Variants in CTNNA3 observed in about 807,000 individuals in gnomAD.
CTNNA3 encodes catenin alpha-3.
Under a neutral mutation model 95.7 loss-of-function variants are expected in CTNNA3, and 76 were observed. The observed-to-expected ratio is 0.79, with a 90% confidence interval of 0.66 to 0.96. The LOEUF is 0.96. Among genes scored for constraint, CTNNA3 ranks in the 40% least tolerant of loss-of-function variants. The pLI, the probability that CTNNA3 is intolerant of heterozygous loss-of-function variation, is 0.00. For missense variants in CTNNA3, 1,191 were observed against 1,089.8 expected (o/e 1.09, Z -1.31); for synonymous variants, 431 against 374.4 (o/e 1.15, Z -1.74).
chr10:65,982,359 T>C (rs866431747), intron 16 of CTNNA3, among the ~76,000 whole-genome samples: 6 of 151,110 alleles, frequency 4.0e-5, no homozygotes, highest in Middle Eastern at 6.8e-3. Flanking sequence ...AAAAAAGGTG[T>C]TGGCATGGAT....
At chr10:66,535,571 T>C (rs1564518003) in intron 10 of CTNNA3, among the ~76,000 whole-genome samples, 1 of 152,186 alleles carries the variant, frequency 6.6e-6, no homozygotes, top group South Asian at 2.1e-4. Context: ...AGAGCTAATG[T>C]CATTCTATGT....
intron 3 of CTNNA3, among the ~76,000 whole-genome samples, 198 bp from the exon 4 acceptor site, chr10:67,539,867 A>T (rs1179327561): frequency 6.6e-6 from 1 of 152,194 alleles, no homozygotes; most frequent in East Asian, 1.9e-4. Flanking sequence ...TGGAATTAAG[A>T]AGCATAATAT....
chr10:67,132,405 C>T (rs759414168), intron 7 of CTNNA3, among the ~76,000 whole-genome samples: 15 of 151,918 alleles, frequency 9.9e-5, no homozygotes, highest in Non-Finnish European at 1.9e-4. Flanking sequence ...AACTATAAAA[C>T]CTGGTGTAAA....
At chr10:66,370,213 C>G (rs1237767925) in intron 12 of CTNNA3, among the ~76,000 whole-genome samples, 1 of 152,070 alleles carries the variant, frequency 6.6e-6, no homozygotes, top group African/African-American at 2.4e-5. Context: ...GTTTTATCAG[C>G]TCACATCAAT....
chr10:66,464,274 G>A (rs1279151180), intron 11 of CTNNA3, among the ~76,000 whole-genome samples: 1 of 152,006 alleles, frequency 6.6e-6, no homozygotes, highest in African/African-American at 2.4e-5. Flanking sequence ...GAATCTAAAT[G>A]TAGTTGTTAT....
At position 66,423,335 on chromosome 10, in the gene CTNNA3, G is replaced by A. The variant is rs559894338; in HGVS notation, c.1532-43983C>T. Reference sequence around the variant, plus strand: ...CAAATTTAATCATGTTCTTTATATCGTATTTAGTCTTAAAATAATTTGTAA... The same window carrying A: ...CAAATTTAATCATGTTCTTTATATCATATTTAGTCTTAAAATAATTTGTAA... On this transcript the variant is annotated intron_variant, in intron 11 of 17. Transcript: ENST00000433211. Among the ~76,000 whole-genome samples the A allele has an allele frequency of 8.4e-4, 128 of 151,738 alleles. 2 individuals carry two copies. The highest frequency in any genetic ancestry group is 1.6e-3 in the African/African-American group (66 of 41,346).
chr10:67,727,382 C>T (rs953262312), intron 1 of CTNNA3, among the ~76,000 whole-genome samples: 8 of 126,644 alleles, frequency 6.3e-5, no homozygotes, highest in East Asian at 2.1e-4. Flanking sequence ...ATGTATGTTA[C>T]GTATTATAAT....
intron 3 of CTNNA3, among the ~76,000 whole-genome samples, chr10:67,558,831 T>C (rs1258805362): frequency 6.6e-6 from 1 of 152,140 alleles, no homozygotes; most frequent in Admixed American, 6.5e-5. Context: ...CGCCAGGAGA[T>C]TATATCCCGC....
intron 13 of CTNNA3, among the ~76,000 whole-genome samples, chr10:66,162,223 G>A (rs902919911): frequency 1.3e-5 from 2 of 151,824 alleles, no homozygotes; most frequent in African/African-American, 4.8e-5. Flanking sequence ...ATTTCTTCTT[G>A]GTTTGGATCC....
At chr10:66,324,397 G>A (rs769932718) in intron 12 of CTNNA3, among the ~76,000 whole-genome samples, 1 of 152,158 alleles carries the variant, frequency 6.6e-6, no homozygotes, top group African/African-American at 2.4e-5. Context: ...CCAGGACAGT[G>A]GGCAAGAGCT....
rs532564449 is a variant in CTNNA3, at chr10:66,342,108, A to G, written c.1732+37044T>C. On this transcript the variant is annotated intron_variant, in intron 12 of 17. Coordinates refer to ENST00000433211, the MANE Select transcript of CTNNA3 (RefSeq NM_013266.4). Reference sequence around the variant, plus strand: ...TCTAATTCAATTTTTTCTAATTCTTAGTTGCATGTGTTAGTCCTTATCTAG... The same window carrying G: ...TCTAATTCAATTTTTTCTAATTCTTGGTTGCATGTGTTAGTCCTTATCTAG... Among the ~76,000 whole-genome samples the G allele has an allele frequency of 2.2e-3, 338 of 152,090 alleles. 2 individuals carry two copies. Among genetic ancestry groups the G allele is most frequent in the African/African-American group, 7.5e-3 (310 of 41,546 alleles).
intron 13 of CTNNA3, among the ~76,000 whole-genome samples, chr10:66,112,289 T>G (rs2082149744): frequency 6.6e-6 from 1 of 152,164 alleles, no homozygotes; most frequent in South Asian, 2.1e-4. Flanking sequence ...CATATTTTAT[T>G]GAGTTAATGC....
chr10:67,283,767 C>T (rs1839489549), intron 5 of CTNNA3, among the ~76,000 whole-genome samples: 1 of 152,118 alleles, frequency 6.6e-6, no homozygotes, highest in Non-Finnish European at 1.5e-5. Context: ...CTCACTCTGC[C>T]TTATGCCCCT....
intron 1 of CTNNA3, among the ~76,000 whole-genome samples, chr10:67,653,153 A>C (rs963112302): frequency 1.8e-4 from 28 of 152,326 alleles, no homozygotes; most frequent in African/African-American, 5.5e-4. Flanking sequence ...GGGAGCAAGC[A>C]TCTCACATGG....
intron 2 of CTNNA3, among the ~76,000 whole-genome samples, chr10:67,618,111 A>G (rs944533339): frequency 6.6e-6 from 1 of 152,208 alleles, no homozygotes; most frequent in Non-Finnish European, 1.5e-5. Context: ...AATAATCCAT[A>G]GTTTATAGGA....
chr10:67,384,678 T>C (rs183640113), intron 5 of CTNNA3, among the ~76,000 whole-genome samples: 553 of 152,240 alleles, frequency 3.6e-3, no homozygotes, highest in Non-Finnish European at 6.6e-3. Context: ...TTAATAAAAC[T>C]CTGAGCCAGT....
Position 67,290,232 on chromosome 10 carries a change from T to A in CTNNA3, c.580-70362A>T, listed in dbSNP as rs948239580. On this transcript the variant is annotated intron_variant, in intron 5 of 17. Coordinates refer to ENST00000433211, the MANE Select transcript of CTNNA3 (RefSeq NM_013266.4). The stretch of plus-strand genomic sequence containing the variant: ...GGGATGGAGTAATACCTGCTTTTTT[T>A]ATTTTATTTTGGTTTATTGGAGACC... Among the ~76,000 whole-genome samples, 8 of 152,330 alleles carry A rather than the reference T, an allele frequency of 5.3e-5. No homozygotes were observed. The South Asian group carries it at 6.2e-4, about 12-fold the overall frequency.
At position 67,566,058 on chromosome 10, in the gene CTNNA3, T is replaced by TAC. The variant is rs1554854502; in HGVS notation, c.293-26390_293-26389insGT. Among the ~76,000 whole-genome samples the TAC allele has an allele frequency of 2.3e-5, 2 of 85,584 alleles. 1 individual carries two copies. Among genetic ancestry groups the TAC allele is most frequent in the Non-Finnish European group, 4.5e-5 (2 of 44,634 alleles). 56.1% of individuals were successfully genotyped at this position (85,584 alleles called of 152,430 possible). ...ATGTGTGTGTGTATATATATATATA[T>TAC]ATATATATATATATACAAAACCTAG... On this transcript the variant is annotated intron_variant, in intron 3 of 17. Transcript: ENST00000433211.
chr10:67,560,635 C>A (rs530943244), intron 3 of CTNNA3, among the ~76,000 whole-genome samples: 2 of 152,214 alleles, frequency 1.3e-5, no homozygotes, highest in South Asian at 2.1e-4. Flanking sequence ...TCACACATAA[C>A]AATATTAACT....
Sources: gnomAD v4.1 joint callset for allele counts (sites outside exome capture counted in the v4.1 genomes callset) on GRCh38, gnomAD v4.1.1 for gene constraint, MANE v1.5 for transcripts, NCBI Gene and HGNC (gene_info 2026-07-23, HGNC 2026-07-21) for gene names.